BTRC: variants seen among roughly 807,000 people sequenced by gnomAD.
BTRC encodes the protein F-box/WD repeat-containing protein 1A.
A neutral mutation model predicts 85.5 loss-of-function variants in BTRC; 42 were observed. The observed-to-expected ratio is 0.49, with a 90% CI of 0.38 to 0.64. The LOEUF is 0.64. Among genes scored for constraint, BTRC ranks in the 30% least tolerant of loss-of-function variants. The pLI is 0.00. For synonymous variants in BTRC, 255 were observed against 263.3 expected (o/e 0.97, Z 0.30); for missense variants, 594 against 743.5 (o/e 0.80, Z 2.34).
intron 1 of BTRC, among the ~76,000 whole-genome samples, chr10:101,373,645 C>T (rs1474785007): frequency 6.6e-5 from 10 of 152,130 alleles, no homozygotes; most frequent in East Asian, 3.9e-4. Context: ...GGGCCGGGCG[C>T]GGTGGTTCAC....
intron 1 of BTRC, among the ~76,000 whole-genome samples, chr10:101,421,775 T>A (rs952755526): frequency 4.2e-4 from 64 of 152,014 alleles, no homozygotes; most frequent in African/African-American, 1.4e-3. Flanking sequence ...TCCAGCTTCA[T>A]CCATGTCCCT....
intron 4 of BTRC, among the ~76,000 whole-genome samples, chr10:101,516,411 C>T (rs191156075): frequency 1.6e-3 from 239 of 152,240 alleles, no homozygotes; most frequent in African/African-American, 5.4e-3. Context: ...TCTTTTTACT[C>T]CAGGGCCAAA....
At chr10:101,482,437 C>T (rs1382828583) in intron 4 of BTRC, among the ~76,000 whole-genome samples, 1 of 146,550 alleles carries the variant, frequency 6.8e-6, no homozygotes, top group Non-Finnish European at 1.5e-5. Context: ...GCTCTGTCAC[C>T]CAGGTTGGAG....
At chr10:101,358,224 C>G (rs575001336) in intron 1 of BTRC, among the ~76,000 whole-genome samples, 46 of 152,240 alleles carry the variant, frequency 3.0e-4, no homozygotes, top group African/African-American at 1.1e-3. Context: ...GCCTCGGCGT[C>G]TCAAGTGGCT....
chr10:101,512,935 GA>G (rs1028405451), intron 4 of BTRC, among the ~76,000 whole-genome samples: 1 of 152,206 alleles, frequency 6.6e-6, no homozygotes, highest in Non-Finnish European at 1.5e-5. Flanking sequence ...AGCTTTCCAA[GA>G]CACTTGAACA....
At chr10:101,456,098 G>A (rs1160592987) in intron 2 of BTRC, among the ~76,000 whole-genome samples, 2 of 151,698 alleles carry the variant, frequency 1.3e-5, no homozygotes, top group Non-Finnish European at 2.9e-5. Flanking sequence ...TTGAACCCAG[G>A]AGGCAGAAGT....
intron 1 of BTRC, among the ~76,000 whole-genome samples, chr10:101,394,854 C>T (rs1404036661): frequency 1.3e-5 from 2 of 152,122 alleles, no homozygotes; most frequent in African/African-American, 4.8e-5. Flanking sequence ...CTTACACATA[C>T]ATGTAATGCA....
intron 4 of BTRC, among the ~76,000 whole-genome samples, chr10:101,515,128 G>A (rs1399213688): frequency 6.6e-6 from 1 of 151,634 alleles, no homozygotes; most frequent in African/African-American, 2.4e-5. Flanking sequence ...GCAAATTTTT[G>A]TATTTTTAGT....
At chr10:101,486,019 G>A (rs746324883) in intron 4 of BTRC, among the ~76,000 whole-genome samples, 62 of 152,144 alleles carry the variant, frequency 4.1e-4, no homozygotes, top group Non-Finnish European at 7.8e-4. Flanking sequence ...GCGATCTGCG[G>A]GGCTGTAATT....
intron 13 of BTRC, among the ~76,000 whole-genome samples, chr10:101,540,411 C>G (rs1242115916): frequency 1.3e-5 from 2 of 152,088 alleles, no homozygotes; most frequent in Non-Finnish European, 2.9e-5. Flanking sequence ...GCAGCTTTGT[C>G]AAAAATGAAT....
At position 101,495,291 on chromosome 10, in the gene BTRC, T is replaced by C. The variant is rs189351491; in HGVS notation, c.324+15834T>C. ...TGAATAAATATTCTGAATTATCTAA[T>C]ATTATAGCAGTTATAACCATTTTTA... On this transcript the variant is annotated intron_variant, in intron 4 of 14. Coordinates refer to ENST00000370187, the MANE Select transcript of BTRC (RefSeq NM_033637.4). 4.1e-4 allele frequency among the ~76,000 whole-genome samples: 62 copies of C among 152,352 alleles called. 2 individuals carry two copies. The highest frequency in any genetic ancestry group is 3.5e-3 in the Admixed American group (54 of 15,310).
chr10:101,485,835 A>G (rs562334445), intron 4 of BTRC, among the ~76,000 whole-genome samples: 1 of 152,270 alleles, frequency 6.6e-6, no homozygotes, highest in East Asian at 1.9e-4. Flanking sequence ...CTCAGTGAAA[A>G]GGGAGAGGTT....
chr10:101,459,813 A>C (rs1344513236), intron 2 of BTRC, among the ~76,000 whole-genome samples: 1 of 152,168 alleles, frequency 6.6e-6, no homozygotes, highest in Non-Finnish European at 1.5e-5. Context: ...CAGTAAAAAG[A>C]AAATTGTGAG....
chr10:101,484,876 A>G (rs1250687914), intron 4 of BTRC, among the ~76,000 whole-genome samples: 1 of 152,254 alleles, frequency 6.6e-6, no homozygotes, highest in Non-Finnish European at 1.5e-5. Context: ...GGTTACAGAG[A>G]TATACACAGT....
intron 1 of BTRC, among the ~76,000 whole-genome samples, chr10:101,382,494 A>G (rs1942961287): frequency 6.6e-6 from 1 of 151,138 alleles, no homozygotes; most frequent in African/African-American, 2.4e-5. Context: ...AGGGTAAAAA[A>G]TTTGGCAGGA....
Position 101,381,066 on chromosome 10 carries a change from AGTGTCAGGGG to A in BTRC, c.48+26842_48+26851del, listed in dbSNP as rs1484753642. 1.4e-4 allele frequency among the ~76,000 whole-genome samples: 21 copies of A among 152,264 alleles called. No individual in the cohort carries two copies. The East Asian group carries it at 4.0e-3, about 29-fold the overall frequency. On this transcript the variant is annotated intron_variant, in intron 1 of 14. Coordinates refer to ENST00000370187, the MANE Select transcript of BTRC (RefSeq NM_033637.4). ...TGCATATCTGACCATACTTGACTGA[AGTGTCAGGGG>A]GTGCATGACTGTATTTTTACTTATT...
At chr10:101,473,606 G>T (rs772806067) in intron 3 of BTRC, among the ~76,000 whole-genome samples, 1 of 151,784 alleles carries the variant, frequency 6.6e-6, no homozygotes, top group Non-Finnish European at 1.5e-5. Flanking sequence ...AAGTAGCTGG[G>T]ATTACAGGCA....
At chr10:101,526,301 T>C in intron 6 of BTRC, 102 bp downstream of exon 6, 1 of 1,014,626 alleles carries the variant, frequency 9.9e-7, no homozygotes, top group Non-Finnish European at 1.4e-6. Context: ...TCTCATTTAA[T>C]ATGGTGATTT....
chr10:101,401,492 A>G (rs1043128029), intron 1 of BTRC, among the ~76,000 whole-genome samples: 1 of 152,200 alleles, frequency 6.6e-6, no homozygotes, highest in Non-Finnish European at 1.5e-5. Context: ...AACATGTAGC[A>G]TCAAAGCAGT....
Sources: allele counts gnomAD v4.1 joint callset (sites outside exome capture counted in the v4.1 genomes callset), GRCh38; gene constraint gnomAD v4.1.1; transcripts MANE v1.5; gene names NCBI Gene and HGNC (gene_info 2026-07-23, HGNC 2026-07-21).